The following CLCN5 variants were observed in gnomAD, a reference collection of about 807,000 sequenced individuals.
CLCN5 encodes H(+)/Cl(-) exchange transporter 5.
CLCN5 carries 17 observed loss-of-function variants against 54.0 expected under a neutral mutation model. That is an observed-to-expected ratio of 0.31 (90% CI 0.22 to 0.47). CLCN5 has a LOEUF of 0.47. Ranked by LOEUF, CLCN5 falls within the 20% of genes least tolerant of loss-of-function variation. The pLI, the probability that CLCN5 is intolerant of heterozygous loss-of-function variation, is 1.00. For missense variants in CLCN5, 448 were observed against 646.7 expected, an observed-to-expected ratio of 0.69 and a Z score of 3.33; for synonymous variants, 222 against 233.0, an observed-to-expected ratio of 0.95 and a Z score of 0.43.
At chrX:50,041,931 A>G (rs1398490798) in intron 3 of CLCN5, among the ~76,000 whole-genome samples, 1 of 112,577 alleles carries the variant, frequency 8.9e-6, no homozygotes. Flanking sequence ...ATATTCAGCC[A>G]TAAAAATTGA....
chrX:49,969,297 C>T (rs1480005915), intron 3 of CLCN5, among the ~76,000 whole-genome samples: 3 of 111,745 alleles, frequency 2.7e-5, no homozygotes, highest in African/African-American at 3.3e-5. Context: ...AGGCTGGTCT[C>T]GAACTCCTGA....
At chrX:50,000,579 C>T (rs782520467) in intron 3 of CLCN5, among the ~76,000 whole-genome samples, 74 of 111,649 alleles carry the variant, frequency 6.6e-4, no homozygotes, top group Non-Finnish European at 1.0e-3. Flanking sequence ...TTCTCATACA[C>T]ATGTGGGTAC....
At chrX:49,942,652 GTGTT>G (rs1250134257) in intron 3 of CLCN5, among the ~76,000 whole-genome samples, 1 of 106,764 alleles carries the variant, frequency 9.4e-6, no homozygotes, top group African/African-American at 3.5e-5. Context: ...AGAACTTGCG[GTGTT>G]TGTTTTTTTG....
In CLCN5 at chrX:49,950,343, A is replaced by G. The variant is rs782817709; in HGVS notation, c.16+25029A>G. Among the ~76,000 whole-genome samples the G allele has an allele frequency of 8.0e-5, 9 of 112,181 alleles. No homozygotes were observed. The South Asian group carries it at 3.3e-3, about 41-fold the overall frequency. Reference sequence around the variant, plus strand: ...TTTGCTTTATGAAATTGGGAAATACACTTGGTTTTTTAAGCTCAAGTTTTT... The same window carrying G: ...TTTGCTTTATGAAATTGGGAAATACGCTTGGTTTTTTAAGCTCAAGTTTTT... On this transcript the variant is annotated intron_variant, in intron 3 of 14. Transcript: ENST00000376091.
At chrX:49,940,141 A>G (rs888407090) in intron 3 of CLCN5, among the ~76,000 whole-genome samples, 1 of 111,764 alleles carries the variant, frequency 8.9e-6, no homozygotes, top group Non-Finnish European at 1.9e-5. Flanking sequence ...AACGTGTTAA[A>G]TGGGAATAAT....
rs188947350 is a variant in CLCN5 at position 50,042,534 on chromosome X, T to A, written c.163+72T>A. ...TGTACAATAAAATTTTATTTTTTTTTAATTTTATTTTCTAGCACACAGTCC... is the reference window on the plus strand; with the variant it reads ...TGTACAATAAAATTTTATTTTTTTTAAATTTTATTTTCTAGCACACAGTCC... On this transcript the variant is annotated intron_variant, in intron 4 of 14. Coordinates refer to ENST00000376091, the MANE Select transcript of CLCN5 (RefSeq NM_001127898.4). The A allele has an allele frequency of 7.1e-4, 516 of 729,351 alleles. 1 individual carries two copies. Among genetic ancestry groups the A allele is most frequent in the African/African-American group, 1.9e-3 (84 of 44,468 alleles). 60.1% of individuals were successfully genotyped at this position (729,351 alleles called of 1,213,427 possible). A position where few individuals can be genotyped will look rare whatever the true frequency, so the allele number is the denominator to read the frequency against.
At position 50,080,686 on chromosome X, in the gene CLCN5, G is replaced by A. The variant is rs140312372; in HGVS notation, c.696G>A (p.Ala232=). 58 of 1,202,167 alleles carry A rather than the reference G, an allele frequency of 4.8e-5. No individual in the cohort carries two copies. The highest frequency in any genetic ancestry group is 7.1e-5 in the African/African-American group (4 of 56,583). ...FLAVSLVKVF[A]PYACGSGIPE... Reference sequence around the variant, plus strand: ...CCGTATCTCTTGTCAAGGTGTTTGCGCCTTATGCCTGTGGCTCTGGAATCC... The same window carrying A: ...CCGTATCTCTTGTCAAGGTGTTTGCACCTTATGCCTGTGGCTCTGGAATCC... Residue 232 remains alanine, a synonymous_variant, in exon 8 of 15, where the codon GCG becomes GCA. Coordinates refer to ENST00000376091, the MANE Select transcript of CLCN5 (RefSeq NM_001127898.4).
At chrX:49,932,873 CTG>C (rs1925733471) in intron 3 of CLCN5, among the ~76,000 whole-genome samples, 1 of 112,559 alleles carries the variant, frequency 8.9e-6, no homozygotes. Flanking sequence ...TATGTTTTGA[CTG>C]TGCAGATTTT....
At chrX:50,005,474 G>A (rs1156483801) in intron 3 of CLCN5, among the ~76,000 whole-genome samples, 1 of 111,467 alleles carries the variant, frequency 9.0e-6, no homozygotes, top group African/African-American at 3.3e-5. Flanking sequence ...TCTGCTATTT[G>A]ATCACCCAGT....
chrX:49,951,073 T>A (rs1927023275), intron 3 of CLCN5, among the ~76,000 whole-genome samples: 1 of 111,965 alleles, frequency 8.9e-6, no homozygotes, highest in African/African-American at 3.2e-5. Context: ...TTTTACTATC[T>A]ATGTCCATTG....
chrX:50,032,269 G>A (rs781795574), intron 3 of CLCN5, among the ~76,000 whole-genome samples: 7 of 111,562 alleles, frequency 6.3e-5, no homozygotes, highest in East Asian at 2.8e-4. Flanking sequence ...GGTATTTCTC[G>A]TTCTAGATTC....
Position 50,090,032 on chromosome X carries a change from A to G in CLCN5, c.1745-84A>G, listed in dbSNP as rs782712632. On this transcript the variant is annotated intron_variant, in intron 12 of 14. Coordinates refer to ENST00000376091, the MANE Select transcript of CLCN5 (RefSeq NM_001127898.4). ...TAGGTGAGACCTCATTGTTTTTGGT[A>G]GGTCAGCTTTTCCTGGAAAGGCCCA... 7.9e-6 allele frequency: 8 copies of G among 1,015,051 alleles called. 1 individual carries two copies. Among genetic ancestry groups the G allele is most frequent in the Middle Eastern group, 2.6e-4 (1 of 3,863 alleles). The allele number at this position is 1,015,051 out of a possible 1,213,427, so 83.7% of individuals were successfully genotyped here.
chrX:50,064,393 G>A (rs1417140029), intron 4 of CLCN5, among the ~76,000 whole-genome samples: 1 of 87,974 alleles, frequency 1.1e-5, no homozygotes, highest in Admixed American at 1.3e-4. Context: ...CAAATCATGA[G>A]TGAACTCCCA....
intron 3 of CLCN5, among the ~76,000 whole-genome samples, chrX:49,985,542 A>G (rs1928956441): frequency 8.9e-6 from 1 of 112,024 alleles, no homozygotes; most frequent in Non-Finnish European, 1.9e-5. Flanking sequence ...AGCTAATGGA[A>G]TAATCTCTAG....
chrX:50,018,753 G>A (rs1052623058), intron 3 of CLCN5, among the ~76,000 whole-genome samples: 1 of 112,102 alleles, frequency 8.9e-6, no homozygotes, highest in African/African-American at 3.2e-5. Flanking sequence ...GCTAGATTAC[G>A]CTAATTTATT....
At chrX:50,007,285 A>G (rs1557181500) in intron 3 of CLCN5, among the ~76,000 whole-genome samples, 2 of 111,951 alleles carry the variant, frequency 1.8e-5, no homozygotes, top group Non-Finnish European at 3.8e-5. Context: ...GGTGCCCAGC[A>G]TATGCAGACA....
intron 4 of CLCN5, among the ~76,000 whole-genome samples, chrX:50,061,924 G>A (rs1465782334): frequency 4.8e-4 from 30 of 62,507 alleles, no homozygotes; most frequent in Non-Finnish European, 7.2e-4. Context: ...ATAAGTGAAG[G>A]AGAAATAAAA....
intron 4 of CLCN5, among the ~76,000 whole-genome samples, chrX:50,060,696 T>C (rs1932842648): frequency 8.9e-6 from 1 of 112,408 alleles, no homozygotes; most frequent in African/African-American, 3.2e-5. Flanking sequence ...GCTCCACCTT[T>C]GGGGGCAGGG....
chrX:50,019,456 CTTTTTTT>C (rs1424021181), intron 3 of CLCN5, among the ~76,000 whole-genome samples: 3 of 64,424 alleles, frequency 4.7e-5, no homozygotes, highest in Non-Finnish European at 8.8e-5. Flanking sequence ...TTCATGCTTA[CTTTTTTT>C]TTTTCTTTTT....
Sources: allele counts gnomAD v4.1 joint callset (sites outside exome capture counted in the v4.1 genomes callset), GRCh38; gene constraint gnomAD v4.1.1; transcripts MANE v1.5; gene names NCBI Gene and HGNC (gene_info 2026-07-23, HGNC 2026-07-21).